TUB: variants seen among roughly 807,000 people sequenced by gnomAD.
TUB encodes the protein tubby protein homolog.
A neutral mutation model predicts 59.7 loss-of-function variants in TUB; 33 were observed. The ratio of observed to expected loss-of-function variants is 0.55; its 90% CI spans 0.42 to 0.74. The LOEUF (loss-of-function observed/expected upper bound fraction) is 0.74. TUB is among the 30% of genes least tolerant of loss of function. The pLI is 0.00. For missense variants in TUB, 659 were observed against 672.0 expected, an observed-to-expected ratio of 0.98 and a Z score of 0.21; for synonymous variants, 293 against 256.4, an observed-to-expected ratio of 1.14 and a Z score of -1.36.
chr11:8,090,790 A>C (rs766289125), intron 3 of TUB, among the ~76,000 whole-genome samples: 8 of 151,826 alleles, frequency 5.3e-5, no homozygotes, highest in Admixed American at 2.0e-4. Context: ...CAGTTGGGAG[A>C]AATTCTCTGC....
At chr11:8,082,633 C>T (rs1337082628) in intron 1 of TUB, among the ~76,000 whole-genome samples, 2 of 152,226 alleles carry the variant, frequency 1.3e-5, no homozygotes, top group African/African-American at 4.8e-5. Flanking sequence ...CGCCTTGTAA[C>T]ACAGCTTGCT....
At chr11:8,098,408 CG>C (rs1944104176) in intron 8 of TUB, among the ~76,000 whole-genome samples, 2 of 152,170 alleles carry the variant, frequency 1.3e-5, no homozygotes, top group Admixed American at 1.3e-4. Context: ...CCTCTCTCCA[CG>C]GGTGCTAAGC....
intron 5 of TUB, 63 bp from the exon 6 acceptor site, chr11:8,096,622 T>A (rs1944004835): frequency 1.8e-6 from 2 of 1,081,476 alleles, no homozygotes; most frequent in Non-Finnish European, 2.9e-6. Context: ...TGTGACCATG[T>A]GTATTTCAGG....
At chr11:8,066,005 C>T (rs1377542600) in intron 2 of TUB, among the ~76,000 whole-genome samples, 1 of 152,176 alleles carries the variant, frequency 6.6e-6, no homozygotes, top group Non-Finnish European at 1.5e-5. Context: ...CAGAGTCCAG[C>T]CTGGGATTGG....
intron 1 of TUB, among the ~76,000 whole-genome samples, chr11:8,025,549 C>A (rs1171724343): frequency 6.6e-6 from 1 of 152,164 alleles, no homozygotes; most frequent in African/African-American, 2.4e-5. Context: ...GATTCGTTTC[C>A]TAGAGTTTTG....
intron 2 of TUB, among the ~76,000 whole-genome samples, chr11:8,059,569 T>A (rs1324760514): frequency 6.6e-6 from 1 of 151,916 alleles, no homozygotes; most frequent in Non-Finnish European, 1.5e-5. Flanking sequence ...AAAGCCTTGA[T>A]CTGAGGAGAC....
intron 2 of TUB, among the ~76,000 whole-genome samples, chr11:8,074,096 GTT>G (rs112714039): frequency 6.7e-6 from 1 of 149,760 alleles, no homozygotes; most frequent in Admixed American, 6.6e-5. Flanking sequence ...GGTTTTTGTG[GTT>G]TTTTTTTTTA....
Position 8,071,748 on chromosome 11 carries a change from C to T in TUB, c.204-17862C>T, listed in dbSNP as rs750641877. Among the ~76,000 whole-genome samples, 113 of 152,028 alleles carry T rather than the reference C, an allele frequency of 7.4e-4. 1 individual carries two copies. The highest frequency in any genetic ancestry group is 2.2e-4 in the Non-Finnish European group (15 of 68,004). On this transcript the variant is annotated intron_variant, in intron 2 of 12. Transcript: ENST00000305253. ...ATGACAGAGAGAGCTGGGGTGTGTG[C>T]GGTGCAGGGCCAGGAGGCTGGGGCC...
intron 1 of TUB, among the ~76,000 whole-genome samples, chr11:8,085,677 A>G (rs1943652557): frequency 6.6e-6 from 1 of 152,228 alleles, no homozygotes; most frequent in Admixed American, 6.5e-5. Flanking sequence ...GAGAAGGTGA[A>G]GTCAACATGG....
At chr11:8,023,603 A>G (rs1324420986) in intron 1 of TUB, among the ~76,000 whole-genome samples, 1 of 152,230 alleles carries the variant, frequency 6.6e-6, no homozygotes, top group African/African-American at 2.4e-5. Flanking sequence ...CCATCTAGAC[A>G]TTCAGCCAAC....
At chr11:8,089,006 C>T (rs981975798) in intron 1 of TUB, among the ~76,000 whole-genome samples, 1 of 152,218 alleles carries the variant, frequency 6.6e-6, no homozygotes, top group African/African-American at 2.4e-5. Flanking sequence ...TGGTTGGTCT[C>T]TTAGCTTCAT....
At chr11:8,095,765 C>T in intron 5 of TUB, 100 bp downstream of exon 5, 3 of 1,306,094 alleles carry the variant, frequency 2.3e-6, no homozygotes, top group Non-Finnish European at 3.1e-6. Flanking sequence ...CCAAACCCCT[C>T]CCTGGCAATG....
At chr11:8,083,584 C>A (rs1210364158) in intron 1 of TUB, among the ~76,000 whole-genome samples, 1 of 152,036 alleles carries the variant, frequency 6.6e-6, no homozygotes, top group African/African-American at 2.4e-5. Flanking sequence ...TTGCCTCAGC[C>A]CAGGTCCAAC....
chr11:8,047,687 T>C (rs936493691), intron 2 of TUB, among the ~76,000 whole-genome samples: 4 of 152,222 alleles, frequency 2.6e-5, no homozygotes, highest in Non-Finnish European at 1.5e-5. Context: ...GAACTTGCCA[T>C]TGCTGCATTT....
Position 8,100,907 on chromosome 11 carries a change from AATG to A in TUB, c.1302_1304del (p.Asp435del). The A allele has an allele frequency of 6.2e-7, 1 of 1,614,194 alleles. No individual in the cohort carries two copies. The highest frequency in any genetic ancestry group is 1.1e-5 in the South Asian group (1 of 91,086). On this transcript the variant is annotated inframe_deletion, in exon 11 of 12. Coordinates refer to ENST00000299506, the MANE Select transcript of TUB (RefSeq NM_177972.3). ...GCTGCAAAACAAGACACCTGTCTGG[AATG>A]ATGACACACAGTCCTATGTACTCAA... is the stretch of plus-strand genomic sequence containing the variant.
At chr11:8,095,163 A>G (rs1169139375) in intron 4 of TUB, among the ~76,000 whole-genome samples, 2 of 152,154 alleles carry the variant, frequency 1.3e-5, no homozygotes, top group Non-Finnish European at 2.9e-5. Context: ...GGCCTTGCCT[A>G]TGGTCTGGAT....
chr11:8,028,908 A>ATCCC (rs1450896745), intron 1 of TUB, among the ~76,000 whole-genome samples: 1 of 152,094 alleles, frequency 6.6e-6, no homozygotes, highest in East Asian at 1.9e-4. Context: ...GCTGCTTGGG[A>ATCCC]GGCTGAGGTG....
rs77929521 is a variant in TUB, at chr11:8,088,154, G to A, written c.39-1456G>A. Among the ~76,000 whole-genome samples, 545 of 152,312 alleles carry A rather than the reference G, an allele frequency of 3.6e-3. 12 individuals are homozygous for A. The highest frequency in any genetic ancestry group is 4.7e-3 in the Admixed American group (72 of 15,302). On this transcript the variant is annotated intron_variant, in intron 1 of 11. Coordinates refer to ENST00000299506, the MANE Select transcript of TUB (RefSeq NM_177972.3). ...GCTCCTCTGACATGCAGAGCAGCTC[G>A]TGGGTACAAGGAAAGACCTTCCCAG...
chr11:8,052,976 A>C (rs1412383243), intron 2 of TUB, among the ~76,000 whole-genome samples: 3 of 152,174 alleles, frequency 2.0e-5, no homozygotes, highest in Admixed American at 1.3e-4. Flanking sequence ...TCTAATAATT[A>C]TGTGAAAAAA....
Sources: gnomAD v4.1 joint callset for allele counts (sites outside exome capture counted in the v4.1 genomes callset) on GRCh38, gnomAD v4.1.1 for gene constraint, MANE v1.5 for transcripts, NCBI Gene and HGNC (gene_info 2026-07-23, HGNC 2026-07-21) for gene names.